The following CFAP97D2 variants were observed in gnomAD, a reference collection of about 807,000 sequenced individuals.
CFAP97D2 encodes CFAP97 domain containing 2.
intron 3 of CFAP97D2, among the ~76,000 whole-genome samples, chr13:114,204,631 A>C (rs2080931658): frequency 6.6e-6 from 1 of 152,230 alleles, no homozygotes; most frequent in South Asian, 2.1e-4. Context: ...CGCCACATGC[A>C]AAAGAATGAA....
chr13:114,198,095 C>T (rs1199410926), intron 2 of CFAP97D2, among the ~76,000 whole-genome samples: 1 of 152,162 alleles, frequency 6.6e-6, no homozygotes, highest in Non-Finnish European at 1.5e-5. Context: ...TCAAGCGATT[C>T]CCCTGCCTCA....
intron 1 of CFAP97D2, among the ~76,000 whole-genome samples, chr13:114,182,124 A>C (rs953448222): frequency 2.3e-4 from 34 of 149,706 alleles, no homozygotes; most frequent in Non-Finnish European, 4.0e-4. Context: ...AGCAAAAAGG[A>C]AAGTAGTAGG....
At position 114,203,200 on chromosome 13, in the gene CFAP97D2, T is replaced by TA. The variant is rs2080926203; in HGVS notation, c.290+2759dup. Among the ~76,000 whole-genome samples the TA allele has an allele frequency of 6.6e-6, 1 of 152,198 alleles. No individual in the cohort carries two copies. Among genetic ancestry groups the TA allele is most frequent in the Non-Finnish European group, 1.5e-5 (1 of 68,032 alleles). On this transcript the variant is annotated intron_variant, in intron 3 of 4. Transcript: ENST00000646158. This position sits in a 1 kb window ranked among gnomAD's most constrained non-coding sequence, Gnocchi z 4.3. ...GGAATGCACTAAAAAGCTGTAGAAC[T>TA]AATCCACAAGTTCAACAAGGTTGCA...
rs909836414 is a variant in CFAP97D2, at chr13:114,207,662, T to C, written c.291-4250T>C. Among the ~76,000 whole-genome samples, 5 of 152,242 alleles carry C rather than the reference T, an allele frequency of 3.3e-5. No homozygotes were observed. Among genetic ancestry groups the C allele is most frequent in the African/African-American group, 1.2e-4 (5 of 41,472 alleles). ...GCTCCCTCGCCTGCTGCTCACCTCC[T>C]GCTGTTTGGCCTGGTTCCTAACAGG... On this transcript the variant is annotated intron_variant, in intron 3 of 4. Coordinates refer to ENST00000646158, the Ensembl canonical transcript of CFAP97D2. The surrounding 1 kb of genome is among the most constrained non-coding windows in gnomAD (Gnocchi z 4.9).
intron 1 of CFAP97D2, among the ~76,000 whole-genome samples, chr13:114,180,576 G>A (rs1470897315): frequency 6.6e-6 from 1 of 152,158 alleles, no homozygotes; most frequent in Non-Finnish European, 1.5e-5. Context: ...GTGATTGATG[G>A]GCATGTTCAT....
intron 1 of CFAP97D2, among the ~76,000 whole-genome samples, chr13:114,192,948 AATG>A (rs1376018255): frequency 6.6e-6 from 1 of 152,212 alleles, no homozygotes; most frequent in Non-Finnish European, 1.5e-5. Flanking sequence ...TAGAAATTAC[AATG>A]ATATGTCCCT....
rs1182521648 is a variant in CFAP97D2 at position 114,207,990 on chromosome 13, G to A, written c.291-3922G>A. ...ATCAATGCATCTCCTTGGGTCACTC[G>A]GCAGTTTCAACATTCCATGGAGCTG... On this transcript the variant is annotated intron_variant, in intron 3 of 4. Transcript: ENST00000646158. This position sits in a 1 kb window ranked among gnomAD's most constrained non-coding sequence, Gnocchi z 4.9. Among the ~76,000 whole-genome samples the A allele has an allele frequency of 6.6e-6, 1 of 152,044 alleles. No individual in the cohort carries two copies. Among genetic ancestry groups the A allele is most frequent in the Non-Finnish European group, 1.5e-5 (1 of 68,008 alleles).
At chr13:114,181,597 C>T (rs1268086739) in intron 1 of CFAP97D2, among the ~76,000 whole-genome samples, 1 of 152,188 alleles carries the variant, frequency 6.6e-6, no homozygotes, top group East Asian at 1.9e-4. Context: ...AGTTCTCCAA[C>T]TGGCACTAAA....
rs1029127758 is a variant in CFAP97D2, at chr13:114,211,060, G to T, written c.291-852G>T. Among the ~76,000 whole-genome samples the T allele has an allele frequency of 7.2e-5, 11 of 152,278 alleles. No individual in the cohort carries two copies. The highest frequency in any genetic ancestry group is 2.6e-4 in the African/African-American group (11 of 41,548). ...GAGGGTGATGGTGAACTTCCAGGAGGAGGCCACCAACCATCCACCATTATT... is the reference window on the plus strand; with the variant it reads ...GAGGGTGATGGTGAACTTCCAGGAGTAGGCCACCAACCATCCACCATTATT... On this transcript the variant is annotated intron_variant, in intron 3 of 4. Transcript: ENST00000646158. This position sits in a 1 kb window ranked among gnomAD's most constrained non-coding sequence, Gnocchi z 4.2.
At position 114,211,943 on chromosome 13, in the gene CFAP97D2, C is replaced by T. The variant is rs533969577; in HGVS notation, c.322C>T (p.Arg108Cys). The change falls in exon 4 of 5, where the codon CGC (arginine) becomes TGC (cysteine). Residue 108 changes from arginine to cysteine, a missense_variant. Physicochemically the swap from Arg to Cys is radical, Grantham distance 180. Coordinates refer to ENST00000646158, the Ensembl canonical transcript of CFAP97D2. The surrounding 1 kb of genome is among the most constrained non-coding windows in gnomAD (Gnocchi z 4.2). The stretch of plus-strand genomic sequence containing the variant: ...CAGGGGGAAGAGAGAACAGGAACTT[C>T]GCAGAGTGCGGAAGAAAACACGGCC... The T allele has an allele frequency of 7.5e-6, 3 of 398,708 alleles. No homozygotes were observed. The highest frequency in any genetic ancestry group is 1.3e-5 in the Non-Finnish European group (3 of 226,136). The allele number at this position is 398,708 out of a possible 1,614,324, so 24.7% of individuals were successfully genotyped here.
Position 114,179,626 on chromosome 13 carries a change from C to T in CFAP97D2, c.90+206C>T, listed in dbSNP as rs200547330. 0.012 allele frequency among the ~76,000 whole-genome samples: 1,735 copies of T among 145,392 alleles called. 94 individuals are homozygous for T. Among genetic ancestry groups the T allele is most frequent in the Admixed American group, 0.083 (1,220 of 14,658 alleles). ...AAATAGTTGACGGCTTTCTTTCTTT[C>T]TTTTTTTTTTTTGAGATGACAGCTT... On this transcript the variant is annotated intron_variant, in intron 1 of 4. Transcript: ENST00000646158. This position sits in a 1 kb window ranked among gnomAD's most constrained non-coding sequence, Gnocchi z 4.8.
intron 1 of CFAP97D2, among the ~76,000 whole-genome samples, chr13:114,194,669 G>A (rs980327579): frequency 5.9e-5 from 9 of 151,942 alleles, no homozygotes; most frequent in African/African-American, 1.9e-4. Flanking sequence ...GTGATTTTTC[G>A]ACCACACCAC....
At chr13:114,198,900 A>G (rs377260489) in intron 2 of CFAP97D2, among the ~76,000 whole-genome samples, 341 of 12,272 alleles carry the variant, frequency 0.028, 3 homozygotes, top group Admixed American at 0.043. Context: ...TACGGTCCCC[A>G]CCGAGGGGTG....
intron 3 of CFAP97D2, among the ~76,000 whole-genome samples, chr13:114,210,816 T>A (rs1423236321): frequency 6.6e-6 from 1 of 151,130 alleles, no homozygotes. Context: ...CCCTCTCAGG[T>A]CACTCCCAGG....
intron 1 of CFAP97D2, among the ~76,000 whole-genome samples, chr13:114,191,218 G>C (rs565238556): frequency 7.2e-5 from 11 of 152,088 alleles, no homozygotes; most frequent in Admixed American, 5.9e-4. Context: ...CAAGAAATAG[G>C]TTTTTAGACA....
chr13:114,217,325 C>T (rs1447764972), intron 4 of CFAP97D2, among the ~76,000 whole-genome samples: 7 of 152,138 alleles, frequency 4.6e-5, no homozygotes, highest in Non-Finnish European at 8.8e-5. Flanking sequence ...CAAGACTAAA[C>T]CAGGAAGAAG....
rs1203221474 is a variant in CFAP97D2, at chr13:114,186,447, A to G, written c.90+7027A>G. ...ACCTCATTCTTCCTGGATGCAGGAC[A>G]AGAACTTGGGACCCATCAAGTGGTG... On this transcript the variant is annotated intron_variant, in intron 1 of 4. Transcript: ENST00000646158. The surrounding 1 kb of genome is among the most constrained non-coding windows in gnomAD (Gnocchi z 4.3). Among the ~76,000 whole-genome samples, 1 of 152,226 alleles carries G rather than the reference A, an allele frequency of 6.6e-6. No homozygotes were observed. The highest frequency in any genetic ancestry group is 6.5e-5 in the Admixed American group (1 of 15,288).
chr13:114,185,253 C>T lies in CFAP97D2; in HGVS notation c.90+5833C>T, dbSNP rs2080850353. 6.6e-6 allele frequency among the ~76,000 whole-genome samples: 1 copy of T among 152,228 alleles called. No homozygotes were observed. Among genetic ancestry groups the T allele is most frequent in the African/African-American group, 2.4e-5 (1 of 41,456 alleles). Reference sequence around the variant, plus strand: ...AAAGAGGTGAACAGTACCCGGAGCCCACCCCTGGGAGCCCCCTGGAACCTG... The same window carrying T: ...AAAGAGGTGAACAGTACCCGGAGCCTACCCCTGGGAGCCCCCTGGAACCTG... On this transcript the variant is annotated intron_variant, in intron 1 of 4. Coordinates refer to ENST00000646158, the Ensembl canonical transcript of CFAP97D2. The surrounding 1 kb of genome is among the most constrained non-coding windows in gnomAD (Gnocchi z 5.2).
At chr13:114,181,306 C>T (rs2080831277) in intron 1 of CFAP97D2, among the ~76,000 whole-genome samples, 1 of 152,190 alleles carries the variant, frequency 6.6e-6, no homozygotes, top group Admixed American at 6.5e-5. Context: ...AGCTTCCCAG[C>T]AGGGGCAGAC....
Sources: allele counts gnomAD v4.1 joint callset (sites outside exome capture counted in the v4.1 genomes callset), GRCh38; gene constraint gnomAD v4.1.1; non-coding constraint Gnocchi (gnomAD v3.1); transcripts MANE v1.5; gene names NCBI Gene and HGNC (gene_info 2026-07-23, HGNC 2026-07-21).